The following NMU variants were observed in gnomAD, a reference collection of about 807,000 sequenced individuals.
NMU encodes the protein neuromedin U, also known as neuromedin-U.
NMU carries 29 observed loss-of-function variants against 35.4 expected under a neutral mutation model. That is an observed-to-expected ratio of 0.82 (90% confidence interval 0.61 to 1.12). The LOEUF is 1.12. Ranked by LOEUF, NMU falls within the 50% of genes most tolerant of loss-of-function variation. The pLI is 0.00. For synonymous variants in NMU, 78 were observed against 81.3 expected (o/e 0.96, Z 0.22); for missense variants, 199 against 206.2 (o/e 0.97, Z 0.21).
intron 6 of NMU, 149 bp from the exon 7 acceptor site, chr4:55,605,498 G>T: frequency 1.4e-6 from 1 of 710,488 alleles, no homozygotes. Flanking sequence ...CAGGTCTTTG[G>T]GAGCAATTCG....
At chr4:55,630,944 A>G (rs1734729083) in intron 1 of NMU, among the ~76,000 whole-genome samples, 1 of 152,246 alleles carries the variant, frequency 6.6e-6, no homozygotes. Flanking sequence ...ATAAGCCTAT[A>G]GTTACCAAAA....
At chr4:55,603,506 T>C (rs1733511811) in intron 7 of NMU, among the ~76,000 whole-genome samples, 1 of 152,008 alleles carries the variant, frequency 6.6e-6, no homozygotes, top group South Asian at 2.1e-4. Flanking sequence ...TTCCCTTTTG[T>C]AAATGGGAAA....
upstream of NMU, chr4:55,636,646 T>TG (rs1489180575): frequency 6.4e-6 from 1 of 155,646 alleles, no homozygotes; most frequent in African/African-American, 2.4e-5. This position sits in a 1 kb window ranked among gnomAD's most constrained non-coding sequence, Gnocchi z 4.0. Flanking sequence ...TGGGTCTACG[T>TG]GGGACACCCT....
intron 9 of NMU, among the ~76,000 whole-genome samples, chr4:55,598,285 G>A (rs1733282299): frequency 6.6e-6 from 1 of 151,696 alleles, no homozygotes; most frequent in East Asian, 1.9e-4. Context: ...TTGTAGAGAT[G>A]GGGTATCAAA....
chr4:55,605,491 G>A, intron 6 of NMU, 142 bp from the exon 7 acceptor site: 2 of 722,570 alleles, frequency 2.8e-6, no homozygotes, highest in East Asian at 2.7e-5. Flanking sequence ...CCTAAAACAG[G>A]TCTTTGGGAG....
At chr4:55,600,437 T>C (rs1425649564) in intron 8 of NMU, 85 bp downstream of exon 8, 1 of 915,398 alleles carries the variant, frequency 1.1e-6, no homozygotes, top group Non-Finnish European at 1.8e-6. Context: ...TAAAACTTAA[T>C]TGAAATGTAA....
chr4:55,619,288 G>A (rs1301938987), intron 2 of NMU, among the ~76,000 whole-genome samples: 2 of 146,800 alleles, frequency 1.4e-5, no homozygotes, highest in Non-Finnish European at 1.5e-5. Context: ...CAGACAGTGG[G>A]CGCAGGCCAG....
intron 7 of NMU, among the ~76,000 whole-genome samples, chr4:55,601,017 T>C (rs907670300): frequency 1.3e-5 from 2 of 152,144 alleles, no homozygotes; most frequent in East Asian, 1.9e-4. Flanking sequence ...TATTATCCAA[T>C]ATTTCTACAG....
At chr4:55,611,204 A>C (rs1346935251) in intron 3 of NMU, among the ~76,000 whole-genome samples, 2 of 151,974 alleles carry the variant, frequency 1.3e-5, no homozygotes, top group Non-Finnish European at 2.9e-5. Flanking sequence ...TCTACAAAAA[A>C]CACAAAAAAT....
At chr4:55,617,441 T>C (rs375954015) in intron 2 of NMU, among the ~76,000 whole-genome samples, 5 of 152,208 alleles carry the variant, frequency 3.3e-5, no homozygotes, top group South Asian at 4.1e-4. Flanking sequence ...GAATTGTTTG[T>C]TCCACTCATC....
At chr4:55,634,205 G>C (rs73817218) in intron 1 of NMU, among the ~76,000 whole-genome samples, 4 of 151,804 alleles carry the variant, frequency 2.6e-5, no homozygotes, top group South Asian at 2.1e-4. Context: ...CGCCCCCCTC[G>C]GTGCCATCTT....
At chr4:55,619,903 A>T (rs1202638634) in intron 2 of NMU, among the ~76,000 whole-genome samples, 1 of 129,376 alleles carries the variant, frequency 7.7e-6, no homozygotes, top group Non-Finnish European at 1.7e-5. Context: ...CAGCAGGGGC[A>T]CACTGACACC....
At chr4:55,606,162 C>T (rs1292784678) in intron 6 of NMU, among the ~76,000 whole-genome samples, 1 of 152,164 alleles carries the variant, frequency 6.6e-6, no homozygotes, top group East Asian at 1.9e-4. Context: ...ATATTTCAAA[C>T]TGAGTTTAAG....
chr4:55,603,925 AAAT>A lies in NMU; in HGVS notation c.435+1347_435+1349del, dbSNP rs1370307024. 6.3e-3 allele frequency among the ~76,000 whole-genome samples: 444 copies of A among 70,542 alleles called. 62 individuals carry two copies. The highest frequency in any genetic ancestry group is 1.0e-2 in the African/African-American group (151 of 15,116). 46.3% of individuals were successfully genotyped at this position (70,542 alleles called of 152,430 possible). On this transcript the variant is annotated intron_variant, in intron 7 of 9. Transcript: ENST00000264218. ...AGAGTCCGTCTCAAAAAAAAAAAAAAAATATATATATATATATATATGTATATA... is the reference window on the plus strand; with the variant it reads ...AGAGTCCGTCTCAAAAAAAAAAAAAAATATATATATATATATATGTATATA...
At chr4:55,636,365 C>A, upstream of NMU, 2 of 996,846 alleles carry the variant, frequency 2.0e-6, no homozygotes, top group Non-Finnish European at 2.7e-6. The surrounding 1 kb of genome is among the most constrained non-coding windows in gnomAD (Gnocchi z 4.0). Context: ...CGGTCCCCGC[C>A]GCGCGTCACC....
chr4:55,626,146 C>G (rs894915718), intron 2 of NMU, among the ~76,000 whole-genome samples: 1 of 152,118 alleles, frequency 6.6e-6, no homozygotes, highest in African/African-American at 2.4e-5. Context: ...TTAACATTTG[C>G]GATTAACTAG....
rs1166211352 is a variant in NMU, at chr4:55,616,331, G to T, written c.219+7C>A. 1 of 1,605,342 alleles carries T rather than the reference G, an allele frequency of 6.2e-7. No homozygotes were observed. The highest frequency in any genetic ancestry group is 8.5e-7 in the Non-Finnish European group (1 of 1,172,132). ...CATTATTACAAAATATCTTCAATTG[G>T]AATTACCTGAGGCTGAGAATCAATG... On this transcript the variant is annotated splice_region_variant and intron_variant, in intron 3 of 9. Transcript: ENST00000264218.
intron 7 of NMU, among the ~76,000 whole-genome samples, chr4:55,604,017 G>GTATATATACGTATATATACACGTA (rs373848935): frequency 3.9e-5 from 1 of 25,774 alleles, no homozygotes; most frequent in Admixed American, 5.5e-4. Flanking sequence ...GTATATATGT[G>GTATATATACGTATATATACACGTA]TATATATATA....
chr4:55,617,172 C>T (rs948874275), intron 2 of NMU, among the ~76,000 whole-genome samples: 1 of 152,100 alleles, frequency 6.6e-6, no homozygotes, highest in African/African-American at 2.4e-5. Flanking sequence ...TATTCCATCT[C>T]AGAGGCCAGT....
Sources: allele counts gnomAD v4.1 joint callset (sites outside exome capture counted in the v4.1 genomes callset), GRCh38; gene constraint gnomAD v4.1.1; non-coding constraint Gnocchi (gnomAD v3.1); transcripts MANE v1.5; gene names NCBI Gene and HGNC (gene_info 2026-07-23, HGNC 2026-07-21).